The following GCSAML variants were observed in gnomAD, a reference collection of about 807,000 sequenced individuals.
GCSAML encodes the protein germinal center associated signaling and motility like.
Under a neutral mutation model 13.0 loss-of-function variants are expected in GCSAML, and 9 were observed. The ratio of observed to expected loss-of-function variants is 0.69; its 90% CI spans 0.42 to 1.21. GCSAML has a LOEUF of 1.21. GCSAML is among the 50% of genes most tolerant of loss of function. The pLI is 0.00. For synonymous variants in GCSAML, 37 were observed against 52.9 expected, an observed-to-expected ratio of 0.70 and a Z score of 1.31; for missense variants, 143 against 153.4, an observed-to-expected ratio of 0.93 and a Z score of 0.36.
At chr1:247,516,388 A>T (rs1666210477) in intron 1 of GCSAML, among the ~76,000 whole-genome samples, 1 of 152,204 alleles carries the variant, frequency 6.6e-6, no homozygotes, top group Admixed American at 6.5e-5. Flanking sequence ...TGAGTAAATG[A>T]TTCCTTGTGT....
upstream of GCSAML, chr1:247,548,921 C>T: frequency 5.0e-6 from 3 of 603,164 alleles, no homozygotes; most frequent in Non-Finnish European, 7.9e-6. This position sits in a 1 kb window ranked among gnomAD's most constrained non-coding sequence, Gnocchi z 5.3. Context: ...TGATTTTTTC[C>T]CACTGTATGC....
At chr1:247,567,870 T>C (rs1196916912) in intron 4 of GCSAML, among the ~76,000 whole-genome samples, 2 of 152,232 alleles carry the variant, frequency 1.3e-5, no homozygotes, top group Non-Finnish European at 2.9e-5. Flanking sequence ...ATCACCATTC[T>C]AACTGGCATG....
chr1:247,556,843 C>T (rs546797743), intron 2 of GCSAML, among the ~76,000 whole-genome samples: 8 of 152,294 alleles, frequency 5.3e-5, no homozygotes, highest in Non-Finnish European at 1.0e-4. Context: ...CGAGACCATT[C>T]AGTCATTCTT....
intron 1 of GCSAML, among the ~76,000 whole-genome samples, chr1:247,524,373 C>T (rs968861986): frequency 6.6e-6 from 1 of 152,134 alleles, no homozygotes; most frequent in Non-Finnish European, 1.5e-5. Context: ...CCCTCCATAC[C>T]CATGCTGTGT....
At position 247,563,622 on chromosome 1, in the gene GCSAML, A is replaced by G. The variant is rs1411596199; in HGVS notation, c.122A>G (p.Gln41Arg). The change falls in exon 3 of 5, where the codon CAA becomes CGA. Residue 41 changes from glutamine (Q) to arginine (R), a missense_variant. Physicochemically the swap from Gln to Arg is conservative, Grantham distance 43. Transcript: ENST00000366488. ...QEMTTFERKLQDQDKKSQEVS... is the reference protein window; with the variant it reads ...QEMTTFERKLRDQDKKSQEVS... Reference sequence around the variant, plus strand: ...ATGACTACATTTGAAAGAAAACTTCAAGATCAAGATAAGAAAAGTAAGTCA... The same window carrying G: ...ATGACTACATTTGAAAGAAAACTTCGAGATCAAGATAAGAAAAGTAAGTCA... 1 of 1,580,172 alleles carries G rather than the reference A, an allele frequency of 6.3e-7. No individual in the cohort carries two copies. The highest frequency in any genetic ancestry group is 1.1e-5 in the South Asian group (1 of 89,580).
intron 2 of GCSAML, among the ~76,000 whole-genome samples, chr1:247,563,246 C>T (rs748965621): frequency 3.9e-5 from 6 of 152,118 alleles, no homozygotes; most frequent in Non-Finnish European, 5.9e-5. Context: ...TCAAGAATAG[C>T]AGAAAAATAA....
chr1:247,538,864 A>G (rs186752973), intron 2 of GCSAML: 2 of 402,290 alleles, frequency 5.0e-6, no homozygotes, highest in African/African-American at 4.1e-5. Flanking sequence ...CGACCTGCCT[A>G]ATACAGATGG....
rs1185963781 is a variant in GCSAML at position 247,575,669 on chromosome 1, A to G, written c.*1287A>G. 2 of 152,306 alleles carry G rather than the reference A, an allele frequency of 1.3e-5. No individual in the cohort carries two copies. Among genetic ancestry groups the G allele is most frequent in the East Asian group, 3.9e-4 (2 of 5,178 alleles). The allele number at this position is 152,306 out of a possible 1,614,324, so 9.4% of individuals were successfully genotyped here. On this transcript the variant is annotated 3_prime_UTR_variant, in exon 5 of 5. Transcript: ENST00000366488. ...GCATATATAATTGTCAATTTTTTCAATTTTCTAGCCAACAGAGAATCGAAG... is the reference window on the plus strand; with the variant it reads ...GCATATATAATTGTCAATTTTTTCAGTTTTCTAGCCAACAGAGAATCGAAG...
intron 1 of GCSAML, among the ~76,000 whole-genome samples, chr1:247,517,218 T>C (rs1020328362): frequency 2.4e-4 from 37 of 152,226 alleles, no homozygotes; most frequent in African/African-American, 8.9e-4. Context: ...CTTTAACAAT[T>C]CAGAGTAAAA....
At chr1:247,515,766 G>A (rs1283697471) in intron 1 of GCSAML, among the ~76,000 whole-genome samples, 1 of 152,132 alleles carries the variant, frequency 6.6e-6, no homozygotes, top group East Asian at 1.9e-4. Context: ...AGAACAGCAA[G>A]GAAGCAATCT....
chr1:247,559,917 T>G (rs1668067754), intron 2 of GCSAML, among the ~76,000 whole-genome samples: 2 of 152,224 alleles, frequency 1.3e-5, no homozygotes, highest in African/African-American at 4.8e-5. Context: ...TTACCTGTGT[T>G]AAGATCCTAT....
chr1:247,514,141 C>T (rs909008531), intron 1 of GCSAML, among the ~76,000 whole-genome samples: 3 of 152,126 alleles, frequency 2.0e-5, no homozygotes, highest in Admixed American at 1.3e-4. Context: ...CCACCATGCC[C>T]AGCTAATTTT....
intron 4 of GCSAML, among the ~76,000 whole-genome samples, chr1:247,569,603 T>G (rs1668522316): frequency 1.3e-5 from 2 of 152,180 alleles, no homozygotes; most frequent in Admixed American, 1.3e-4. Flanking sequence ...CTGGATTTGG[T>G]TTTCCAGTGT....
At position 247,531,880 on chromosome 1, in the gene GCSAML, G is replaced by T. The variant is rs1666981654; in HGVS notation, c.-148+4826G>T. 6.2e-7 allele frequency: 1 copy of T among 1,614,102 alleles called. No individual in the cohort carries two copies. The highest frequency in any genetic ancestry group is 1.7e-5 in the Admixed American group (1 of 60,008). On this transcript the variant is annotated intron_variant, in intron 2 of 5. Coordinates refer to the GCSAML transcript ENST00000366489. ...GTAAGAGACCAGGATGAGCCCCAGA[G>T]GCAGGACAACAAAGACAAAGCTGGC...
intron 1 of GCSAML, among the ~76,000 whole-genome samples, chr1:247,552,422 C>T (rs771340524): frequency 6.6e-6 from 1 of 152,180 alleles, no homozygotes; most frequent in Non-Finnish European, 1.5e-5. Context: ...CCCTGCTTGT[C>T]AGAGGCCTGT....
At chr1:247,565,215 G>A (rs1445328317) in intron 3 of GCSAML, among the ~76,000 whole-genome samples, 1 of 152,078 alleles carries the variant, frequency 6.6e-6, no homozygotes. Flanking sequence ...AAAATTAGCT[G>A]GGCATGGTGG....
rs542004378 is a variant in GCSAML at position 247,561,885 on chromosome 1, C to T, written c.90-1705C>T. Among the ~76,000 whole-genome samples the T allele has an allele frequency of 6.0e-4, 91 of 152,114 alleles. 1 individual carries two copies. The highest frequency in any genetic ancestry group is 4.1e-3 in the South Asian group (20 of 4,820). Reference sequence around the variant, plus strand: ...ACCAAACTGAGGGCGGCTCACCCGGCGCCGCAAAGCCAAAAACATCCACAC... The same window carrying T: ...ACCAAACTGAGGGCGGCTCACCCGGTGCCGCAAAGCCAAAAACATCCACAC... On this transcript the variant is annotated intron_variant, in intron 2 of 4. Transcript: ENST00000366488.
At chr1:247,551,552 G>A (rs1362963810) in intron 1 of GCSAML, among the ~76,000 whole-genome samples, 1 of 152,212 alleles carries the variant, frequency 6.6e-6, no homozygotes, top group African/African-American at 2.4e-5. Flanking sequence ...GAATGACACA[G>A]AGAGAAATAG....
chr1:247,522,695 A>G (rs1372793233), intron 1 of GCSAML, among the ~76,000 whole-genome samples: 1 of 152,178 alleles, frequency 6.6e-6, no homozygotes, highest in Admixed American at 6.5e-5. Flanking sequence ...GTGCTTTGTT[A>G]AACAGATGCT....
Sources: allele counts gnomAD v4.1 joint callset (sites outside exome capture counted in the v4.1 genomes callset), GRCh38; gene constraint gnomAD v4.1.1; non-coding constraint Gnocchi (gnomAD v3.1); transcripts MANE v1.5; gene names NCBI Gene and HGNC (gene_info 2026-07-23, HGNC 2026-07-21).